The following ATP13A5 variants were observed in gnomAD, a reference collection of about 807,000 sequenced individuals.
ATP13A5 encodes probable cation-transporting ATPase 13A5.
In ATP13A5, 149 loss-of-function variants were observed where a neutral mutation model predicts 150.2. The observed-to-expected ratio is 0.99, with a 90% CI of 0.87 to 1.14. The LOEUF (loss-of-function observed/expected upper bound fraction) is 1.14. Ranked by LOEUF, ATP13A5 falls within the 50% of genes most tolerant of loss-of-function variation. The pLI, the probability that ATP13A5 is intolerant of heterozygous loss-of-function variation, is 0.00. For missense variants in ATP13A5, 1,383 were observed against 1,449.3 expected (o/e 0.95, Z 0.74); for synonymous variants, 497 against 522.2 (o/e 0.95, Z 0.66).
rs1482239569 is a variant in ATP13A5, at chr3:193,321,750, C to T, written c.1846G>A (p.Glu616Lys). 1.2e-6 allele frequency: 2 copies of T among 1,614,192 alleles called. No individual in the cohort carries two copies. Among genetic ancestry groups the T allele is most frequent in the Non-Finnish European group, 1.7e-6 (2 of 1,180,018 alleles). Residue 616 changes from glutamate to lysine, a missense_variant, in exon 16 of 30, where the codon GAG (glutamate) becomes AAG (lysine). This residue lies in a region of ATP13A5 where 787 missense variants were observed against 771.9 expected (regional missense o/e 1.02). Coordinates refer to ENST00000342358, the MANE Select transcript of ATP13A5 (RefSeq NM_198505.4). ...RMSVIAQLAGENHFHVYMKGA... is the reference protein window; with the variant it reads ...RMSVIAQLAGKNHFHVYMKGA... ...TTCATGTAGACATGGAAATGATTCTCCCCAGCTAGCTGAGCGATCACGGAC... is the reference window on the plus strand; with the variant it reads ...TTCATGTAGACATGGAAATGATTCTTCCCAGCTAGCTGAGCGATCACGGAC...
At chr3:193,275,355 C>CCAG in intron 29 of ATP13A5, 53 bp from the exon 30 acceptor site, 1 of 1,587,568 alleles carries the variant, frequency 6.3e-7, no homozygotes, top group South Asian at 1.1e-5. Flanking sequence ...CCCCCTGCAG[C>CCAG]CAGGCCGCTG....
At chr3:193,298,198 T>C (rs187719572) in intron 25 of ATP13A5, among the ~76,000 whole-genome samples, 23 of 152,264 alleles carry the variant, frequency 1.5e-4, no homozygotes, top group Admixed American at 7.9e-4. Flanking sequence ...TTTCTCTTTT[T>C]AGTATCATTC....
rs1713160509 is a variant in ATP13A5, at chr3:193,364,323, C to CACATAAACATATTATTTTCTTT, written c.64-65_64-44dup. 4.4e-6 allele frequency: 7 copies of CACATAAACATATTATTTTCTTT among 1,586,146 alleles called. 1 individual carries two copies. The highest frequency in any genetic ancestry group is 1.4e-5 in the African/African-American group (1 of 73,692). On this transcript the variant is annotated intron_variant, in intron 1 of 29. Coordinates refer to ENST00000342358, the MANE Select transcript of ATP13A5 (RefSeq NM_198505.4). ...AAGATCGCTCTATTTTTCTTTTCTT[C>CACATAAACATATTATTTTCTTT]ACATAAACATATTATTTTCTTTCAA...
At chr3:193,325,321 G>A (rs1019670853) in intron 13 of ATP13A5, among the ~76,000 whole-genome samples, 5 of 152,128 alleles carry the variant, frequency 3.3e-5, no homozygotes, top group Admixed American at 1.3e-4. Flanking sequence ...TTAAGCCCCT[G>A]CCCACTTGGT....
At chr3:193,280,289 C>T (rs1234346875) in intron 27 of ATP13A5, among the ~76,000 whole-genome samples, 3 of 152,026 alleles carry the variant, frequency 2.0e-5, no homozygotes, top group Admixed American at 6.6e-5. Flanking sequence ...TCCTGACCTG[C>T]GATCCACCCG....
chr3:193,311,928 T>C lies in ATP13A5; in HGVS notation c.2333A>G (p.His778Arg), dbSNP rs768870988. 1 of 1,613,804 alleles carries C rather than the reference T, an allele frequency of 6.2e-7. No individual in the cohort carries two copies. Among genetic ancestry groups the C allele is most frequent in the Non-Finnish European group, 8.5e-7 (1 of 1,179,778 alleles). Residue 778 changes from histidine to arginine, a missense_variant, in exon 20 of 30, where the codon CAT becomes CGT. Coordinates refer to ENST00000342358, the MANE Select transcript of ATP13A5 (RefSeq NM_198505.4). ...TGPGKKEIYM[H>R]TGNSSTPRGE... ...ACGAGGGGTTGAACTGTTTCCAGTA[T>C]GCATGTAGATTTCCTAAAATCAAAA...
Position 193,305,576 on chromosome 3 carries a change from A to T in ATP13A5, c.2661T>A (p.Cys887Ter). 1 of 1,613,826 alleles carries T rather than the reference A, an allele frequency of 6.2e-7. No individual in the cohort carries two copies. The highest frequency in any genetic ancestry group is 8.5e-7 in the Non-Finnish European group (1 of 1,179,760). Residue 887 changes from cysteine (C) to a stop codon, truncating the protein, a stop_gained, in exon 23 of 30, where the codon TGT becomes TGA. Coordinates refer to ENST00000342358, the MANE Select transcript of ATP13A5 (RefSeq NM_198505.4). LOFTEE classifies it high-confidence loss of function. ...TGACTTACCTGATGAGATGAGGCAC[A>T]CACTGGATGTTGGTTGTTTTAGAGG... The part of the protein sequence containing the change: ...PFTSKTTNIQ[C>*]VPHLIREGRA...
intron 12 of ATP13A5, among the ~76,000 whole-genome samples, chr3:193,327,602 A>AT (rs1392242997): frequency 6.6e-6 from 1 of 152,230 alleles, no homozygotes; most frequent in Non-Finnish European, 1.5e-5. Context: ...ATAAATATTA[A>AT]TTAATGCCCA....
chr3:193,279,532 A>T, intron 27 of ATP13A5, 78 bp from the exon 28 acceptor site: 1 of 1,154,834 alleles, frequency 8.7e-7, no homozygotes. Flanking sequence ...AGAATCAATT[A>T]TCTCTGTTGG....
intron 5 of ATP13A5, among the ~76,000 whole-genome samples, chr3:193,354,696 C>T (rs1186453402): frequency 6.6e-6 from 1 of 151,924 alleles, no homozygotes; most frequent in African/African-American, 2.4e-5. Context: ...GAAGATATGG[C>T]CTTCATGGCT....
intron 27 of ATP13A5, among the ~76,000 whole-genome samples, chr3:193,282,273 A>C (rs1173370999): frequency 6.6e-6 from 1 of 152,220 alleles, no homozygotes; most frequent in Non-Finnish European, 1.5e-5. Flanking sequence ...AAAATTATTC[A>C]TGTATAACAA....
At chr3:193,302,940 C>T (rs1267807602) in intron 23 of ATP13A5, among the ~76,000 whole-genome samples, 1 of 152,156 alleles carries the variant, frequency 6.6e-6, no homozygotes, top group African/African-American at 2.4e-5. Flanking sequence ...GAGCCATCTG[C>T]CACTGGAGAA....
At chr3:193,335,325 T>G (rs1216343377) in intron 9 of ATP13A5, among the ~76,000 whole-genome samples, 1 of 152,196 alleles carries the variant, frequency 6.6e-6, no homozygotes, top group Non-Finnish European at 1.5e-5. Context: ...ATACCTGGCC[T>G]GCATGGTTTG....
intron 9 of ATP13A5, among the ~76,000 whole-genome samples, chr3:193,335,422 G>A (rs2108876763): frequency 6.6e-6 from 1 of 152,278 alleles, no homozygotes; most frequent in Middle Eastern, 3.4e-3. Flanking sequence ...CACTATTTTA[G>A]GCAATGAAGG....
intron 22 of ATP13A5, among the ~76,000 whole-genome samples, chr3:193,306,815 C>A (rs554476389): frequency 4.6e-5 from 7 of 152,204 alleles, no homozygotes; most frequent in Admixed American, 4.6e-4. Flanking sequence ...ATAGTTTGGT[C>A]TAGGATTTTA....
At chr3:193,354,508 G>A (rs1480489797) in intron 5 of ATP13A5, among the ~76,000 whole-genome samples, 8 of 151,604 alleles carry the variant, frequency 5.3e-5, no homozygotes, top group Non-Finnish European at 7.4e-5. Flanking sequence ...TAAAAGCAAC[G>A]AAAAAGACAC....
chr3:193,302,724 T>C (rs1560121843), intron 23 of ATP13A5, among the ~76,000 whole-genome samples: 2 of 152,208 alleles, frequency 1.3e-5, no homozygotes, highest in South Asian at 2.1e-4. Context: ...AAGTAAATCA[T>C]GTTTCAAAAG....
Position 193,363,452 on chromosome 3 carries a change from CTACCAAGTGG to C in ATP13A5, c.238-80_238-71del, listed in dbSNP as rs896709094. ...GTAAGGTGCTCAATCAACCAAATACCTACCAAGTGGTACAAAACTTTGACCCAAACAAGCG... is the reference window on the plus strand; with the variant it reads ...GTAAGGTGCTCAATCAACCAAATACCTACAAAACTTTGACCCAAACAAGCG... On this transcript the variant is annotated intron_variant, in intron 2 of 29. Transcript: ENST00000342358. 2.8e-6 allele frequency: 4 copies of C among 1,412,754 alleles called. No homozygotes were observed. The African/African-American group carries it at 5.7e-5, about 20-fold the overall frequency. The allele number at this position is 1,412,754 out of a possible 1,614,324, so 87.5% of individuals were successfully genotyped here.
Position 193,305,593 on chromosome 3 carries a change from T to G in ATP13A5, c.2644A>C (p.Thr882Pro), listed in dbSNP as rs1718581460. ...TGAGGCACACACTGGATGTTGGTTG[T>G]TTTAGAGGTAAAAGGGGATGCCACA... ...ASVASPFTSK[T>P]TNIQCVPHLI... is the part of the protein sequence containing the mutation. Residue 882 changes from threonine to proline, a missense_variant, in exon 23 of 30, where the codon ACA (threonine) becomes CCA (proline). Around this residue, in one of 3 missense-constraint regions of ATP13A5, gnomAD observed 568 missense variants for 621.5 expected, o/e 0.91. Coordinates refer to ENST00000342358, the MANE Select transcript of ATP13A5 (RefSeq NM_198505.4). The G allele has an allele frequency of 1.2e-6, 2 of 1,613,764 alleles. No homozygotes were observed. Among genetic ancestry groups the G allele is most frequent in the Non-Finnish European group, 1.7e-6 (2 of 1,179,846 alleles).
Sources: gnomAD v4.1 joint callset for allele counts (sites outside exome capture counted in the v4.1 genomes callset) on GRCh38, gnomAD v4.1.1 for gene constraint, gnomAD v4.1.1 regional missense constraint, MANE v1.5 for transcripts, NCBI Gene and HGNC (gene_info 2026-07-23, HGNC 2026-07-21) for gene names.